The following SUPT16H variants were observed in gnomAD, a reference collection of about 807,000 sequenced individuals.
The protein encoded by SUPT16H is FACT complex subunit SPT16.
In SUPT16H, 24 loss-of-function variants were observed where a neutral mutation model predicts 136.2. The observed-to-expected ratio is 0.18, with a 90% CI of 0.13 to 0.25. The LOEUF (loss-of-function observed/expected upper bound fraction) is 0.25. Among genes scored for constraint, SUPT16H ranks in the 10% least tolerant of loss-of-function variants. SUPT16H has a pLI of 1.00. For synonymous variants in SUPT16H, 415 were observed against 428.2 expected (o/e 0.97, Z 0.38); for missense variants, 623 against 1,270.2 (o/e 0.49, Z 7.74).
Position 21,357,362 on chromosome 14 carries a change from G to T in SUPT16H, c.2495C>A (p.Pro832His). The T allele has an allele frequency of 6.3e-7, 1 of 1,578,894 alleles. No homozygotes were observed. The highest frequency in any genetic ancestry group is 8.6e-7 in the Non-Finnish European group (1 of 1,163,840). Reference protein sequence around the residue: ...SALVNATEWPPFVVTLDEVEL... With the variant: ...SALVNATEWPHFVVTLDEVEL... ...TACCTCATCCAATGTCACCACAAAA[G>T]GTGGCTGTCAGGGAGAAACTGAATC... Residue 832 changes from proline to histidine, a missense_variant, in exon 22 of 26, where the codon CCT (proline) becomes CAT (histidine). By Grantham distance (77) the Pro-to-His change is moderately conservative. Coordinates refer to ENST00000216297, the MANE Select transcript of SUPT16H (RefSeq NM_007192.4).
chr14:21,372,256 A>G (rs1006456382), intron 2 of SUPT16H: 1 of 519,134 alleles, frequency 1.9e-6, no homozygotes, highest in African/African-American at 1.9e-5. Flanking sequence ...TCAATGTATT[A>G]TTTTCTCTAC....
intron 1 of SUPT16H, among the ~76,000 whole-genome samples, chr14:21,382,800 CA>C (rs1887060331): frequency 6.6e-6 from 1 of 151,978 alleles, no homozygotes; most frequent in Non-Finnish European, 1.5e-5. Flanking sequence ...GCAAGAGAAT[CA>C]ATTTTATTTT....
chr14:21,370,119 T>C (rs2050930038), intron 4 of SUPT16H, among the ~76,000 whole-genome samples: 1 of 152,170 alleles, frequency 6.6e-6, no homozygotes, highest in Non-Finnish European at 1.5e-5. Flanking sequence ...AATGTACCAC[T>C]TAAAATGTAA....
At position 21,368,380 on chromosome 14, in the gene SUPT16H, A is replaced by G; in HGVS notation, c.844T>C (p.Tyr282His). 2 of 1,614,116 alleles carry G rather than the reference A, an allele frequency of 1.2e-6. No individual in the cohort carries two copies. The highest frequency in any genetic ancestry group is 1.7e-6 in the Non-Finnish European group (2 of 1,179,998). The change falls in exon 7 of 26, where the codon TAC (tyrosine) becomes CAC (histidine). Residue 282 changes from tyrosine (Y) to histidine (H), a missense_variant. Physicochemically the swap from Tyr to His is moderately conservative, Grantham distance 83. Transcript: ENST00000216297. ...AAAGTGCGAACAAGGTTGGAGCAGT[A>G]AGACTTGAAGCGAATACCCATGGCA... ...TCAMGIRFKS[Y>H]CSNLVRTLMV...
At position 21,372,172 on chromosome 14, in the gene SUPT16H, G is replaced by A. The variant is rs1594307708; in HGVS notation, c.160-128C>T. On this transcript the variant is annotated intron_variant, in intron 2 of 25. Transcript: ENST00000216297. ...AATTAACTCCAAGGTAATCAGGCTG[G>A]GGAGTCTGGAGTGGATACAAATTAA... 5 of 1,111,876 alleles carry A rather than the reference G, an allele frequency of 4.5e-6. No homozygotes were observed. The Middle Eastern group carries it at 9.1e-4, about 203-fold the overall frequency. 68.9% of individuals were successfully genotyped at this position (1,111,876 alleles called of 1,614,324 possible).
chr14:21,384,008 C>T lies in SUPT16H; in HGVS notation c.-81G>A. The stretch of plus-strand genomic sequence containing the variant: ...GCCACCCGCTCTCGGCCCAGGAATC[C>T]CGCACTCTCCCAATGACCCGGAAGT... On this transcript the variant is annotated 5_prime_UTR_variant, in exon 1 of 26. Transcript: ENST00000216297. The T allele has an allele frequency of 6.6e-7, 1 of 1,518,528 alleles. No individual in the cohort carries two copies. The highest frequency in any genetic ancestry group is 1.1e-5 in the South Asian group (1 of 88,932). 94.1% of individuals were successfully genotyped at this position (1,518,528 alleles called of 1,614,324 possible).
chr14:21,383,993 C>A lies in SUPT16H; in HGVS notation c.-66G>T, dbSNP rs1887118184. On this transcript the variant is annotated 5_prime_UTR_variant, in exon 1 of 26. Coordinates refer to ENST00000216297, the MANE Select transcript of SUPT16H (RefSeq NM_007192.4). ...CGAGGTCCCGGCTCAGCCACCCGCT[C>A]TCGGCCCAGGAATCCCGCACTCTCC... is the stretch of plus-strand genomic sequence containing the variant. 1 of 1,594,324 alleles carries A rather than the reference C, an allele frequency of 6.3e-7. No individual in the cohort carries two copies. Among genetic ancestry groups the A allele is most frequent in the African/African-American group, 1.3e-5 (1 of 74,536 alleles).
intron 1 of SUPT16H, among the ~76,000 whole-genome samples, chr14:21,374,580 CAAAT>C (rs1385332491): frequency 6.6e-6 from 1 of 152,182 alleles, no homozygotes; most frequent in African/African-American, 2.4e-5. Context: ...TACATGGAAT[CAAAT>C]AAAATGTGGC....
chr14:21,380,173 T>C (rs1886991713), intron 1 of SUPT16H, among the ~76,000 whole-genome samples: 1 of 151,992 alleles, frequency 6.6e-6, no homozygotes, highest in African/African-American at 2.4e-5. Context: ...TAAAAAATAA[T>C]GGGAGGATAT....
chr14:21,358,254 A>G (rs1196724290), intron 20 of SUPT16H, 61 bp downstream of exon 20: 3 of 1,048,088 alleles, frequency 2.9e-6, no homozygotes, highest in East Asian at 4.9e-5. Context: ...TAAAGGAAGA[A>G]TAATTTATTG....
At chr14:21,366,656 C>CTT (rs66530934) in intron 7 of SUPT16H, 127 bp from the exon 8 acceptor site, 12,254 of 575,058 alleles carry the variant, frequency 0.021, 28 homozygotes, top group South Asian at 0.028. Flanking sequence ...AGTCCACTCA[C>CTT]TTTTTTTTTT....
At position 21,358,364 on chromosome 14, in the gene SUPT16H, C is replaced by A. The variant is rs1289950095; in HGVS notation, c.2365G>T (p.Ala789Ser). 1.2e-6 allele frequency: 2 copies of A among 1,613,802 alleles called. No individual in the cohort carries two copies. The highest frequency in any genetic ancestry group is 1.7e-6 in the Non-Finnish European group (2 of 1,179,968). ...AATTCCAGTTCCTCCTTAGTTAGAG[C>A]CTCTACTTTCTCAATGAAATTTTTA... ...AFKNFIEKVE[A>S]LTKEELEFEV... The change falls in exon 20 of 26, where the codon GCT (alanine) becomes TCT (serine). Residue 789 changes from alanine (A) to serine (S), a missense_variant. Around this residue, in one of 7 missense-constraint regions of SUPT16H, gnomAD observed 74 missense variants for 193.8 expected, o/e 0.38. Transcript: ENST00000216297.
rs911161247 is a variant in SUPT16H, at chr14:21,372,175, A to C, written c.160-131T>G. The C allele has an allele frequency of 1.2e-5, 12 of 1,039,326 alleles. No homozygotes were observed. In the African/African-American group the frequency reaches 1.8e-4, roughly 15 times the overall value. 64.4% of individuals were successfully genotyped at this position (1,039,326 alleles called of 1,614,324 possible). On this transcript the variant is annotated intron_variant, in intron 2 of 25. Transcript: ENST00000216297. ...TAACTCCAAGGTAATCAGGCTGGGGAGTCTGGAGTGGATACAAATTAAGCA... is the reference window on the plus strand; with the variant it reads ...TAACTCCAAGGTAATCAGGCTGGGGCGTCTGGAGTGGATACAAATTAAGCA...
rs760062405 is a variant in SUPT16H, at chr14:21,358,420, C to T, written c.2309G>A (p.Arg770Gln). Residue 770 changes from arginine to glutamine, a missense_variant, in exon 20 of 26, where the codon CGA becomes CAA. By Grantham distance (43) the Arg-to-Gln change is conservative. This residue lies in a region of SUPT16H where 21 missense variants were observed against 140.3 expected (regional missense o/e 0.15). Coordinates refer to ENST00000216297, the MANE Select transcript of SUPT16H (RefSeq NM_007192.4). ...RDDLYAEQME[R>Q]EMRHKLKTAF... ...TGTTTTCAGTTTGTGCCTCATTTCT[C>T]GTTCCATCTGTAGAAGAAAAAAATA... 5 of 1,611,562 alleles carry T rather than the reference C, an allele frequency of 3.1e-6. No individual in the cohort carries two copies. The highest frequency in any genetic ancestry group is 4.2e-6 in the Non-Finnish European group (5 of 1,178,472).
intron 1 of SUPT16H, among the ~76,000 whole-genome samples, chr14:21,379,273 G>C (rs765271350): frequency 1.5e-4 from 23 of 150,952 alleles, no homozygotes; most frequent in Non-Finnish European, 3.1e-4. Context: ...CCATCTCTAC[G>C]AAAAATACAA....
intron 22 of SUPT16H, among the ~76,000 whole-genome samples, chr14:21,355,560 A>G (rs1178983303): frequency 6.6e-6 from 1 of 150,684 alleles, no homozygotes; most frequent in Non-Finnish European, 1.5e-5. Flanking sequence ...ACAATTTTCA[A>G]TGGCCCTAGC....
Position 21,352,777 on chromosome 14 carries a change from G to A in SUPT16H, c.3040C>T (p.Arg1014Ter), listed in dbSNP as rs762901559. Residue 1014 changes from arginine to a stop codon, truncating the protein, a stop_gained, in exon 26 of 26, where the codon CGA (arginine) becomes TGA (stop). Coordinates refer to ENST00000216297, the MANE Select transcript of SUPT16H (RefSeq NM_007192.4). LOFTEE classifies it high-confidence loss of function. ...SRYEEEEEQSRSMSRKRKASV... is the reference protein window; with the variant it reads ...SRYEEEEEQS ...GCCTTCCTCTTCCGGCTCATACTTC[G>A]ACTTTGTTCTTCTTCTTCCTCGTAA... 1 of 1,613,888 alleles carries A rather than the reference G, an allele frequency of 6.2e-7. No homozygotes were observed.
intron 15 of SUPT16H, chr14:21,361,475 C>T: frequency 6.1e-6 from 3 of 493,274 alleles, no homozygotes; most frequent in Non-Finnish European, 7.3e-6. Context: ...CACCACCATG[C>T]CCGGCTAGTT....
intron 15 of SUPT16H, 169 bp from the exon 16 acceptor site, chr14:21,361,382 T>C (rs1452507888): frequency 1.3e-6 from 1 of 776,960 alleles, no homozygotes; most frequent in Non-Finnish European, 2.0e-6. Flanking sequence ...AGTGGCCCAA[T>C]CTTAGCTCAC....
Sources: gnomAD v4.1 joint callset for allele counts (sites outside exome capture counted in the v4.1 genomes callset) on GRCh38, gnomAD v4.1.1 for gene constraint, gnomAD v4.1.1 regional missense constraint, MANE v1.5 for transcripts, NCBI Gene and HGNC (gene_info 2026-07-23, HGNC 2026-07-21) for gene names.